MAP2K4: variants seen among roughly 807,000 people sequenced by gnomAD.
The protein encoded by MAP2K4 is mitogen-activated protein kinase kinase 4.
In MAP2K4, 4 loss-of-function variants were observed where a neutral mutation model predicts 48.5. The ratio of observed to expected loss-of-function variants is 0.08; its 90% CI spans 0.04 to 0.19. The LOEUF (loss-of-function observed/expected upper bound fraction) is 0.19, where lower values mean the gene tolerates loss of function less well. Ranked by LOEUF, MAP2K4 falls within the 10% of genes least tolerant of loss-of-function variation. The pLI is 1.00. For synonymous variants in MAP2K4, 166 were observed against 173.1 expected (o/e 0.96, Z 0.32); for missense variants, 258 against 493.3 (o/e 0.52, Z 4.52).
intron 2 of MAP2K4, among the ~76,000 whole-genome samples, chr17:12,057,532 A>G (rs1414045248): frequency 2.6e-5 from 4 of 152,126 alleles, no homozygotes; most frequent in African/African-American, 7.2e-5. Context: ...TCATCTTCCC[A>G]TGTATCAGAT....
intron 2 of MAP2K4, among the ~76,000 whole-genome samples, chr17:12,055,945 A>G (rs900055567): frequency 4.6e-5 from 7 of 152,076 alleles, no homozygotes; most frequent in African/African-American, 1.7e-4. Context: ...GGTGTTCATA[A>G]TCACACTTCT....
In MAP2K4 at chr17:12,083,536, G is replaced by A. The variant is rs576199071; in HGVS notation, c.393+2006G>A. Among the ~76,000 whole-genome samples the A allele has an allele frequency of 1.1e-4, 16 of 152,324 alleles. No homozygotes were observed. In the South Asian group the frequency reaches 3.1e-3, roughly 30 times the overall value. Reference sequence around the variant, plus strand: ...CATCTCGAATTCTTGAACAAGCATAGCAGTTGGGGATGGGAGAGGATGGCA... The same window carrying A: ...CATCTCGAATTCTTGAACAAGCATAACAGTTGGGGATGGGAGAGGATGGCA... On this transcript the variant is annotated intron_variant, in intron 3 of 10. Coordinates refer to ENST00000353533, the MANE Select transcript of MAP2K4 (RefSeq NM_003010.4).
intron 1 of MAP2K4, among the ~76,000 whole-genome samples, chr17:12,051,686 G>A (rs1176988861): frequency 6.6e-6 from 1 of 151,992 alleles, no homozygotes; most frequent in East Asian, 1.9e-4. Context: ...ATAGTATCAC[G>A]TCCCTCCTTT....
At position 12,102,463 on chromosome 17, in the gene MAP2K4, C is replaced by G. The variant is rs529498489; in HGVS notation, c.514-5327C>G. On this transcript the variant is annotated intron_variant, in intron 4 of 10. Transcript: ENST00000353533. The stretch of plus-strand genomic sequence containing the variant: ...TAAAATTCATTTAAAATTTTTGTAT[C>G]TATGAGAGACATTGATGTATAGTTT... 2.4e-3 allele frequency among the ~76,000 whole-genome samples: 359 copies of G among 152,160 alleles called. 2 individuals carry two copies. Among genetic ancestry groups the G allele is most frequent in the African/African-American group, 8.2e-3 (341 of 41,556 alleles).
intron 2 of MAP2K4, among the ~76,000 whole-genome samples, chr17:12,079,024 G>A (rs1170506002): frequency 3.9e-5 from 6 of 152,174 alleles, no homozygotes; most frequent in Admixed American, 2.6e-4. Flanking sequence ...CTTTCTAAAT[G>A]AGAAACTTGG....
intron 8 of MAP2K4, among the ~76,000 whole-genome samples, chr17:12,127,850 G>A (rs1255036555): frequency 6.6e-6 from 1 of 151,358 alleles, no homozygotes; most frequent in Non-Finnish European, 1.5e-5. Context: ...GTGCACACAT[G>A]TGTGTAATTA....
Position 12,141,303 on chromosome 17 carries a change from A to G in MAP2K4, c.*43A>G. On this transcript the variant is annotated 3_prime_UTR_variant, in exon 11 of 11. Transcript: ENST00000353533. ...ACTCTAGAAAAAAGGGCTGAGAGGA[A>G]GCAAGACGTAAAGAATTTTCATCCC... is the stretch of plus-strand genomic sequence containing the variant. 1.5e-6 allele frequency: 2 copies of G among 1,342,130 alleles called. No individual in the cohort carries two copies. The highest frequency in any genetic ancestry group is 1.4e-5 in the African/African-American group (1 of 69,730). 83.1% of individuals were successfully genotyped at this position (1,342,130 alleles called of 1,614,324 possible).
chr17:12,048,189 TG>T (rs1296564467), intron 1 of MAP2K4, among the ~76,000 whole-genome samples: 1 of 152,156 alleles, frequency 6.6e-6, no homozygotes, highest in Non-Finnish European at 1.5e-5. Flanking sequence ...TTTAATTTTT[TG>T]GCAGAATGCC....
rs1343342922 is a variant in MAP2K4 at position 12,102,993 on chromosome 17, A to G, written c.514-4797A>G. Among the ~76,000 whole-genome samples the G allele has an allele frequency of 2.7e-5, 4 of 150,578 alleles. No individual in the cohort carries two copies. The East Asian group carries it at 7.8e-4, about 29-fold the overall frequency. On this transcript the variant is annotated intron_variant, in intron 4 of 10. Transcript: ENST00000353533. ...TCAATGTTATTGATGATCTCGATGA[A>G]CCAGCTAGCTCTCAGTTAAATGATT...
chr17:12,120,485 G>GA (rs1042732531), intron 7 of MAP2K4, among the ~76,000 whole-genome samples: 1 of 150,644 alleles, frequency 6.6e-6, no homozygotes, highest in African/African-American at 2.4e-5. Flanking sequence ...AAATAAAAAG[G>GA]AAAAAAACTA....
chr17:12,115,917 C>T (rs1275969148), intron 7 of MAP2K4: 10 of 539,074 alleles, frequency 1.9e-5, no homozygotes, highest in African/African-American at 5.7e-5. Flanking sequence ...GACCTTCCTC[C>T]GGTAGTTCAT....
At chr17:12,069,335 A>G (rs1419989893) in intron 2 of MAP2K4, among the ~76,000 whole-genome samples, 1 of 152,162 alleles carries the variant, frequency 6.6e-6, no homozygotes, top group Non-Finnish European at 1.5e-5. Context: ...TTCTTGAAGA[A>G]GCATAGCCCA....
At chr17:12,095,888 C>T (rs967792979) in intron 4 of MAP2K4, among the ~76,000 whole-genome samples, 194 bp downstream of exon 4, 4 of 122,520 alleles carry the variant, frequency 3.3e-5, no homozygotes, top group Admixed American at 2.8e-4. Flanking sequence ...GTGAATCACA[C>T]GTGTGTTTGT....
intron 6 of MAP2K4, among the ~76,000 whole-genome samples, chr17:12,112,792 A>G (rs1972348051): frequency 6.6e-6 from 1 of 152,176 alleles, no homozygotes; most frequent in Non-Finnish European, 1.5e-5. Flanking sequence ...TAAGTAAATG[A>G]ATTTGTAAGC....
chr17:12,080,487 A>G (rs28923178), intron 2 of MAP2K4, among the ~76,000 whole-genome samples: 26,298 of 152,150 alleles, frequency 0.17, 2,663 homozygotes, highest in South Asian at 0.3. Flanking sequence ...GTTAGAAGTT[A>G]TTAATACTTT....
intron 8 of MAP2K4, among the ~76,000 whole-genome samples, chr17:12,127,903 C>T (rs10445269): frequency 1.3e-4 from 20 of 152,306 alleles, no homozygotes; most frequent in African/African-American, 2.6e-4. Context: ...AGGGAGGAAA[C>T]GGAATCAGTG....
intron 3 of MAP2K4, among the ~76,000 whole-genome samples, chr17:12,090,144 A>G (rs924229477): frequency 2.0e-5 from 3 of 152,274 alleles, no homozygotes; most frequent in Admixed American, 2.0e-4. Flanking sequence ...ATAATGACCT[A>G]TTATTTTCCC....
rs965467206 is a variant in MAP2K4 at position 12,020,939 on chromosome 17, G to GCGGCAC, written c.55_60dup (p.Gly19_Thr20dup). On this transcript the variant is annotated inframe_insertion, in exon 1 of 11. Transcript: ENST00000353533. The stretch of plus-strand genomic sequence containing the variant: ...GGCGGCTCCGGGGGCGGCAGCGGCA[G>GCGGCAC]CGGCACCCCCGGCCCCGTAGGGTCC... The GCGGCAC allele has an allele frequency of 1.5e-5, 18 of 1,216,382 alleles. No homozygotes were observed. Among genetic ancestry groups the GCGGCAC allele is most frequent in the Non-Finnish European group, 1.7e-5 (17 of 978,322 alleles). The allele number at this position is 1,216,382 out of a possible 1,614,324, so 75.3% of individuals were successfully genotyped here.
chr17:12,048,696 AC>A (rs1567632635), intron 1 of MAP2K4, among the ~76,000 whole-genome samples: 1 of 151,888 alleles, frequency 6.6e-6, no homozygotes, highest in Non-Finnish European at 1.5e-5. Context: ...CACTCTTGTC[AC>A]CCAGGCTGGA....
Sources: gnomAD v4.1 joint callset for allele counts (sites outside exome capture counted in the v4.1 genomes callset) on GRCh38, gnomAD v4.1.1 for gene constraint, MANE v1.5 for transcripts, NCBI Gene and HGNC (gene_info 2026-07-23, HGNC 2026-07-21) for gene names.